Variants in CEP128 observed in about 807,000 individuals in gnomAD.
CEP128 encodes the protein centrosomal protein 128kDa.
CEP128 carries 132 observed loss-of-function variants against 156.7 expected under a neutral mutation model. The ratio of observed to expected loss-of-function variants is 0.84; its 90% CI spans 0.73 to 0.97. The LOEUF (loss-of-function observed/expected upper bound fraction) is 0.97. Ranked by LOEUF, CEP128 falls within the 50% of genes least tolerant of loss-of-function variation. The pLI, the probability that CEP128 is intolerant of heterozygous loss-of-function variation, is 0.00. For synonymous variants in CEP128, 469 were observed against 448.9 expected (o/e 1.04, Z -0.57); for missense variants, 1,252 against 1,281.9 (o/e 0.98, Z 0.36).
intron 19 of CEP128, among the ~76,000 whole-genome samples, chr14:80,736,225 A>G (rs1373429832): frequency 1.3e-5 from 2 of 150,178 alleles, no homozygotes; most frequent in Non-Finnish European, 3.0e-5. Flanking sequence ...TTCCATCTGC[A>G]TTTGTTTTAA....
chr14:80,582,639 A>G (rs1422783265), intron 19 of CEP128, among the ~76,000 whole-genome samples: 1 of 152,056 alleles, frequency 6.6e-6, no homozygotes, highest in African/African-American at 2.4e-5. Context: ...TTGGACTAAG[A>G]ATAGAAAGAA....
intron 19 of CEP128, among the ~76,000 whole-genome samples, chr14:80,635,063 C>T (rs942765863): frequency 2.0e-5 from 3 of 152,146 alleles, no homozygotes; most frequent in Non-Finnish European, 2.9e-5. Flanking sequence ...CTCCTCTTTT[C>T]GTAGAAGCCA....
At chr14:80,598,462 A>G (rs527541603) in intron 19 of CEP128, among the ~76,000 whole-genome samples, 1 of 152,170 alleles carries the variant, frequency 6.6e-6, no homozygotes, top group Non-Finnish European at 1.5e-5. Flanking sequence ...GTCATGAAAG[A>G]AATTAAAGGA....
At chr14:80,641,746 A>G (rs1034017670) in intron 19 of CEP128, among the ~76,000 whole-genome samples, 1 of 152,192 alleles carries the variant, frequency 6.6e-6, no homozygotes, top group Non-Finnish European at 1.5e-5. Context: ...AAACTCTATT[A>G]TAAGTAATTA....
At position 80,540,859 on chromosome 14, in the gene CEP128, C is replaced by T. The variant is rs891222208; in HGVS notation, c.2881-9973G>A. 2.6e-5 allele frequency among the ~76,000 whole-genome samples: 4 copies of T among 152,016 alleles called. No homozygotes were observed. In the South Asian group the frequency reaches 6.2e-4, roughly 24 times the overall value. On this transcript the variant is annotated intron_variant, in intron 21 of 24. Transcript: ENST00000555265. ...GTGAAAAATTTACAGGGAGAATAGG[C>T]GGAATCCCCAGAAGGCCAATGGTAC...
intron 14 of CEP128, 36 bp from the exon 15 acceptor site, chr14:80,785,581 TAA>T (rs1566624845): frequency 6.8e-7 from 1 of 1,472,688 alleles, no homozygotes; most frequent in Non-Finnish European, 9.1e-7. Flanking sequence ...AAGAAAAAAA[TAA>T]AAGTTACTGT....
intron 13 of CEP128, among the ~76,000 whole-genome samples, chr14:80,801,357 G>T (rs909548579): frequency 2.0e-5 from 3 of 149,330 alleles, no homozygotes; most frequent in African/African-American, 7.4e-5. Context: ...CATTCAATAT[G>T]ATATTGGCTG....
intron 13 of CEP128, among the ~76,000 whole-genome samples, chr14:80,828,060 G>A (rs549400919): frequency 6.7e-4 from 102 of 151,978 alleles, no homozygotes; most frequent in Non-Finnish European, 1.2e-3. Flanking sequence ...TTGGTGACAG[G>A]GCAGCTGGCT....
At chr14:80,561,684 C>T (rs567761444) in intron 20 of CEP128, among the ~76,000 whole-genome samples, 7 of 151,968 alleles carry the variant, frequency 4.6e-5, no homozygotes, top group African/African-American at 9.7e-5. Flanking sequence ...TTGAAATAGG[C>T]GATTTCATAT....
At chr14:80,580,842 C>T (rs1441686942) in intron 19 of CEP128, among the ~76,000 whole-genome samples, 1 of 152,134 alleles carries the variant, frequency 6.6e-6, no homozygotes, top group African/African-American at 2.4e-5. Flanking sequence ...TTAAAACAAG[C>T]TCCCAAGCCA....
chr14:80,492,200 G>A (rs1887347631), downstream of CEP128, among the ~76,000 whole-genome samples: 1 of 152,196 alleles, frequency 6.6e-6, no homozygotes, highest in South Asian at 2.1e-4. Flanking sequence ...ATAAGGTGAT[G>A]AAGGTGATAT....
At chr14:80,477,416 T>G (rs1203126248) in exon 15 of CEP128, 1 of 152,234 alleles carries the variant, frequency 6.6e-6, no homozygotes, top group Non-Finnish European at 1.5e-5. Context: ...ATTTTTTTCC[T>G]CTGGCTCTTT....
intron 8 of CEP128, among the ~76,000 whole-genome samples, chr14:80,880,831 C>T (rs944454653): frequency 1.4e-5 from 2 of 147,110 alleles, no homozygotes; most frequent in African/African-American, 5.0e-5. Flanking sequence ...CCACTGCACT[C>T]CAGCCTGGGC....
intron 21 of CEP128, among the ~76,000 whole-genome samples, chr14:80,544,391 AG>A (rs1889893470): frequency 6.6e-6 from 1 of 152,176 alleles, no homozygotes. Flanking sequence ...AGGCTCCAGC[AG>A]ATCTTGTGTC....
chr14:80,883,294 G>A (rs1888639815), intron 8 of CEP128, among the ~76,000 whole-genome samples: 1 of 151,940 alleles, frequency 6.6e-6, no homozygotes, highest in Non-Finnish European at 1.5e-5. Context: ...AAAGGAAGAA[G>A]TCAAATTAAT....
At chr14:80,623,569 C>A (rs1893583022) in intron 19 of CEP128, among the ~76,000 whole-genome samples, 1 of 151,280 alleles carries the variant, frequency 6.6e-6, no homozygotes, top group Non-Finnish European at 1.5e-5. Context: ...AAATGTTATA[C>A]CTTATATTTA....
intron 16 of CEP128, among the ~76,000 whole-genome samples, chr14:80,768,595 C>T (rs1900359387): frequency 6.6e-6 from 1 of 152,102 alleles, no homozygotes; most frequent in Non-Finnish European, 1.5e-5. Flanking sequence ...TAAGAGTATG[C>T]AAGAGCCTTA....
At chr14:80,850,820 A>G (rs1886852638) in intron 9 of CEP128, among the ~76,000 whole-genome samples, 1 of 152,220 alleles carries the variant, frequency 6.6e-6, no homozygotes, top group Non-Finnish European at 1.5e-5. Context: ...CAAAGATATC[A>G]AAAATCCAGC....
chr14:80,654,032 CA>C (rs376320194), intron 19 of CEP128, among the ~76,000 whole-genome samples: 2 of 151,828 alleles, frequency 1.3e-5, no homozygotes, highest in South Asian at 2.1e-4. Context: ...AGGTCATGGT[CA>C]AAAAAATGTG....
Sources: allele counts gnomAD v4.1 joint callset (sites outside exome capture counted in the v4.1 genomes callset), GRCh38; gene constraint gnomAD v4.1.1; transcripts MANE v1.5; gene names NCBI Gene and HGNC (gene_info 2026-07-23, HGNC 2026-07-21).